P4HA1: variants seen among roughly 807,000 people sequenced by gnomAD.
P4HA1 encodes prolyl 4-hydroxylase subunit alpha 1, also known as prolyl 4-hydroxylase subunit alpha-1.
Under a neutral mutation model 72.8 loss-of-function variants are expected in P4HA1, and 24 were observed. The observed-to-expected ratio is 0.33, with a 90% confidence interval of 0.24 to 0.46. The LOEUF (loss-of-function observed/expected upper bound fraction) is 0.46, where lower values mean the gene tolerates loss of function less well. Among genes scored for constraint, P4HA1 ranks in the 20% least tolerant of loss-of-function variants. The probability of loss-of-function intolerance (pLI) is 1.00; values close to 1 mark genes in which losing one functional copy is unlikely to be tolerated. For missense variants in P4HA1, 446 were observed against 640.6 expected (o/e 0.70, Z 3.28); for synonymous variants, 201 against 218.8 (o/e 0.92, Z 0.72).
At chr10:73,057,950 G>A (rs1192909121) in intron 5 of P4HA1, among the ~76,000 whole-genome samples, 1 of 151,764 alleles carries the variant, frequency 6.6e-6, no homozygotes, top group African/African-American at 2.4e-5. Flanking sequence ...AATTAGCCGG[G>A]CATGGTAGCA....
rs1313453106 is a variant in P4HA1 at position 73,051,081 on chromosome 10, A to G, written c.872T>C (p.Met291Thr). The change falls in exon 7 of 15, where the codon ATG becomes ACG. Residue 291 changes from methionine to threonine, a missense_variant. Coordinates refer to ENST00000394890, the MANE Select transcript of P4HA1 (RefSeq NM_001017962.3). Reference sequence around the variant, plus strand: ...TTTGATACCCTCCCCACGGCACAGCATTTCGTACTTCTGTCTCTCTGGCAG... The same window carrying G: ...TTTGATACCCTCCCCACGGCACAGCGTTTCGTACTTCTGTCTCTCTGGCAG... Reference protein sequence around the residue: ...DYLPERQKYEMLCRGEGIKMT... With the variant: ...DYLPERQKYETLCRGEGIKMT... 1 of 1,613,918 alleles carries G rather than the reference A, an allele frequency of 6.2e-7. No homozygotes were observed. The highest frequency in any genetic ancestry group is 2.2e-5 in the East Asian group (1 of 44,888).
At chr10:73,047,320 G>A (rs112269915) in intron 7 of P4HA1, among the ~76,000 whole-genome samples, 10 of 151,768 alleles carry the variant, frequency 6.6e-5, no homozygotes, top group African/African-American at 2.4e-4. Context: ...AGAGAGGCGA[G>A]GTCTTAAATA....
intron 9 of P4HA1, among the ~76,000 whole-genome samples, chr10:73,036,387 A>G (rs947152216): frequency 6.6e-6 from 1 of 151,946 alleles, no homozygotes; most frequent in Admixed American, 6.6e-5. Flanking sequence ...AATCCCCTCC[A>G]AAATATAGTA....
chr10:73,085,743 A>G (rs1336607440), intron 1 of P4HA1, among the ~76,000 whole-genome samples: 2 of 152,166 alleles, frequency 1.3e-5, no homozygotes, highest in African/African-American at 2.4e-5. Context: ...AGGCAAGTAC[A>G]TGAAAAGATG....
In P4HA1 at chr10:73,009,959, C is replaced by T. The variant is rs542447082; in HGVS notation, c.1438-56G>A. ...GTATACAATGCCAGGTAATTGCTTT[C>T]GGTAGTTATTACTTTTTTTTTTTTT... On this transcript the variant is annotated intron_variant, in intron 13 of 14. Coordinates refer to ENST00000394890, the MANE Select transcript of P4HA1 (RefSeq NM_001017962.3). 1.4e-4 allele frequency: 133 copies of T among 923,452 alleles called. No individual in the cohort carries two copies. In the South Asian group the frequency reaches 1.6e-3, roughly 11 times the overall value. 57.2% of individuals were successfully genotyped at this position (923,452 alleles called of 1,614,324 possible). A position where few individuals can be genotyped will look rare whatever the true frequency, so the allele number is the denominator to read the frequency against.
At chr10:73,080,620 GT>G (rs986107463) in intron 1 of P4HA1, among the ~76,000 whole-genome samples, 13 of 152,158 alleles carry the variant, frequency 8.5e-5, no homozygotes, top group African/African-American at 2.4e-4. Flanking sequence ...TCAATCACAG[GT>G]TTTTTTAACA....
chr10:73,068,210 C>T (rs554407385), intron 5 of P4HA1, among the ~76,000 whole-genome samples: 15 of 152,252 alleles, frequency 9.9e-5, no homozygotes, highest in African/African-American at 3.1e-4. Flanking sequence ...CAACTCATCC[C>T]AGTGATTTTT....
chr10:73,054,255 G>A (rs1841084388), intron 5 of P4HA1, among the ~76,000 whole-genome samples: 1 of 152,190 alleles, frequency 6.6e-6, no homozygotes, highest in Admixed American at 6.5e-5. Context: ...CTGGGCAAGA[G>A]ATGAATGTAC....
At position 73,053,442 on chromosome 10, in the gene P4HA1, T is replaced by G; in HGVS notation, c.612A>C (p.Lys204Asn). The change falls in exon 6 of 15, where the codon AAA (lysine) becomes AAC (asparagine). Residue 204 changes from lysine to asparagine, a missense_variant. Lys to Asn is a moderately conservative substitution (Grantham distance 94). Transcript: ENST00000394890. ...LDEGEISTID[K>N]VSVLDYLSYA... is the part of the protein sequence containing the mutation. ...AGCTCAAATAATCTAGAACAGAGAC[T>G]TTATCTATGGTAGAAATCTCGCCTT... 1 of 1,614,128 alleles carries G rather than the reference T, an allele frequency of 6.2e-7. No individual in the cohort carries two copies. Among genetic ancestry groups the G allele is most frequent in the Middle Eastern group, 1.6e-4 (1 of 6,062 alleles).
chr10:73,012,357 T>A (rs1458416847), intron 12 of P4HA1, among the ~76,000 whole-genome samples: 2 of 152,142 alleles, frequency 1.3e-5, no homozygotes, highest in African/African-American at 4.8e-5. Flanking sequence ...CACAAACATA[T>A]CCCACTTAAA....
Position 73,009,790 on chromosome 10 carries a change from A to G in P4HA1, c.1534+17T>C. 7.3e-7 allele frequency: 1 copy of G among 1,367,056 alleles called. No homozygotes were observed. Among genetic ancestry groups the G allele is most frequent in the Non-Finnish European group, 1.0e-6 (1 of 955,290 alleles). 84.7% of individuals were successfully genotyped at this position (1,367,056 alleles called of 1,614,324 possible). The stretch of plus-strand genomic sequence containing the variant: ...ACAAAAATTACATTATCTTCGCAGA[A>G]TATATGAAATATTTACCCCATTTGT... On this transcript the variant is annotated intron_variant, in intron 14 of 14. Coordinates refer to ENST00000394890, the MANE Select transcript of P4HA1 (RefSeq NM_001017962.3).
intron 2 of P4HA1, 86 bp downstream of exon 2, chr10:73,074,722 T>C (rs1376177144): frequency 1.3e-6 from 1 of 751,446 alleles, no homozygotes; most frequent in East Asian, 2.5e-5. Flanking sequence ...GAATACACTG[T>C]ATTTGTTTTT....
At chr10:73,041,548 C>A (rs866055591) in intron 9 of P4HA1, among the ~76,000 whole-genome samples, 7,431 of 109,846 alleles carry the variant, frequency 0.068, 584 homozygotes, top group African/African-American at 0.21. Flanking sequence ...ATCCCCCCCC[C>A]AAAAAAAAAA....
rs1437558847 is a variant in P4HA1, at chr10:73,051,129, T to A, written c.824A>T (p.Lys275Ile). 6.2e-7 allele frequency: 1 copy of A among 1,614,110 alleles called. No homozygotes were observed. Among genetic ancestry groups the A allele is most frequent in the Admixed American group, 1.7e-5 (1 of 60,022 alleles). ...CAGGTAATCCACAGCAACCCCTTTT[T>A]TCTTTGGTGTAGTTTTCTGATCAGA... ...DQSDQKTTPK[K>I]KGVAVDYLPE... The change falls in exon 7 of 15, where the codon AAA becomes ATA. Residue 275 changes from lysine (K) to isoleucine (I), a missense_variant. Transcript: ENST00000394890.
chr10:73,037,269 A>G (rs1840595404), intron 9 of P4HA1, among the ~76,000 whole-genome samples: 1 of 148,024 alleles, frequency 6.8e-6, no homozygotes, highest in African/African-American at 2.5e-5. Context: ...TTAGAGTAAC[A>G]TTTCTATGCT....
At chr10:73,045,940 G>A (rs760381004) in intron 8 of P4HA1, among the ~76,000 whole-genome samples, 1 of 150,428 alleles carries the variant, frequency 6.6e-6, no homozygotes, top group Non-Finnish European at 1.5e-5. Context: ...ACTTCATTTT[G>A]TAGTATAGAT....
chr10:73,027,594 T>TAAA (rs1330768195), intron 10 of P4HA1, among the ~76,000 whole-genome samples: 3 of 84,046 alleles, frequency 3.6e-5, no homozygotes, highest in African/African-American at 1.4e-4. Flanking sequence ...ACTTAAAGTA[T>TAAA]AAAAAAAAAA....
intron 9 of P4HA1, among the ~76,000 whole-genome samples, chr10:73,033,945 C>CA (rs1187205149): frequency 6.6e-6 from 1 of 152,172 alleles, no homozygotes; most frequent in Non-Finnish European, 1.5e-5. Context: ...AGGATGGGCA[C>CA]AGTGTCTCAA....
chr10:73,019,153 C>A (rs1564619524), intron 10 of P4HA1, among the ~76,000 whole-genome samples: 2 of 152,150 alleles, frequency 1.3e-5, no homozygotes, highest in Non-Finnish European at 2.9e-5. Context: ...CAGCTACCAC[C>A]ACTGCAAACT....
Sources: gnomAD v4.1 joint callset for allele counts (sites outside exome capture counted in the v4.1 genomes callset) on GRCh38, gnomAD v4.1.1 for gene constraint, MANE v1.5 for transcripts, NCBI Gene and HGNC (gene_info 2026-07-23, HGNC 2026-07-21) for gene names.